Variants in GRM8 observed in about 807,000 individuals in gnomAD.
The protein encoded by GRM8 is glutamate metabotropic receptor 8, also known as metabotropic glutamate receptor 8.
Under a neutral mutation model 87.2 loss-of-function variants are expected in GRM8, and 47 were observed. The ratio of observed to expected loss-of-function variants is 0.54; its 90% CI spans 0.43 to 0.69. The LOEUF is 0.69. Among genes scored for constraint, GRM8 ranks in the 30% least tolerant of loss-of-function variants. The pLI, the probability that GRM8 is intolerant of heterozygous loss-of-function variation, is 0.00. For missense variants in GRM8, 1,019 were observed against 1,139.2 expected, an observed-to-expected ratio of 0.89 and a Z score of 1.52; for synonymous variants, 396 against 404.5, an observed-to-expected ratio of 0.98 and a Z score of 0.25.
intron 9 of GRM8, among the ~76,000 whole-genome samples, chr7:126,458,416 A>T (rs1803508328): frequency 6.6e-6 from 1 of 151,302 alleles, no homozygotes; most frequent in Non-Finnish European, 1.5e-5. Flanking sequence ...AATAGAATGC[A>T]AGATATAATC....
At chr7:126,966,623 A>G (rs565516581) in intron 3 of GRM8, among the ~76,000 whole-genome samples, 1 of 152,338 alleles carries the variant, frequency 6.6e-6, no homozygotes, top group South Asian at 2.1e-4. Context: ...AGATTTAGGG[A>G]GTAGACATGT....
chr7:127,169,083 A>C (rs902286680), intron 2 of GRM8, among the ~76,000 whole-genome samples: 1 of 152,104 alleles, frequency 6.6e-6, no homozygotes, highest in African/African-American at 2.4e-5. Context: ...AGCCAGGAAA[A>C]AAAAAAGCTA....
chr7:127,059,766 T>C (rs1272912583), intron 3 of GRM8, among the ~76,000 whole-genome samples: 2 of 152,342 alleles, frequency 1.3e-5, no homozygotes, highest in East Asian at 3.9e-4. Flanking sequence ...TGTAGGAGCA[T>C]TTTCCATCCA....
At chr7:126,922,978 GC>G (rs1306652823) in intron 3 of GRM8, among the ~76,000 whole-genome samples, 1 of 152,132 alleles carries the variant, frequency 6.6e-6, no homozygotes, top group Non-Finnish European at 1.5e-5. Context: ...AGAATCATGA[GC>G]CAATTAAACC....
intron 6 of GRM8, among the ~76,000 whole-genome samples, chr7:126,884,107 A>G (rs1800264659): frequency 6.6e-6 from 1 of 152,172 alleles, no homozygotes; most frequent in African/African-American, 2.4e-5. Flanking sequence ...TGCTAAAATC[A>G]GCATCCTCAT....
chr7:126,705,748 T>C (rs1031864400), intron 7 of GRM8, among the ~76,000 whole-genome samples: 1 of 152,184 alleles, frequency 6.6e-6, no homozygotes, highest in Non-Finnish European at 1.5e-5. Flanking sequence ...TTGGAAAACA[T>C]TGGAGAGCCT....
chr7:126,982,805 C>G (rs956787694), intron 3 of GRM8, among the ~76,000 whole-genome samples: 1 of 152,152 alleles, frequency 6.6e-6, no homozygotes, highest in Non-Finnish European at 1.5e-5. Context: ...TTGCCTTTAG[C>G]AAGCACCTCA....
intron 6 of GRM8, among the ~76,000 whole-genome samples, chr7:126,795,339 T>A (rs1013274867): frequency 6.6e-6 from 1 of 152,136 alleles, no homozygotes; most frequent in African/African-American, 2.4e-5. Context: ...CATATACTCA[T>A]TTGTTTTCCC....
chr7:126,862,805 CT>C (rs1352806336), intron 6 of GRM8, among the ~76,000 whole-genome samples: 4 of 152,120 alleles, frequency 2.6e-5, no homozygotes, highest in African/African-American at 9.6e-5. Context: ...GAAATGATAT[CT>C]TTTTTTATTT....
intron 3 of GRM8, among the ~76,000 whole-genome samples, chr7:126,905,120 TTTAAAG>T: frequency 6.6e-6 from 1 of 152,320 alleles, no homozygotes; most frequent in East Asian, 1.9e-4. Flanking sequence ...GTAGACTTCT[TTTAAAG>T]TTAATTTCAT....
chr7:126,613,145 A>G (rs1799087042), intron 7 of GRM8, among the ~76,000 whole-genome samples: 1 of 152,238 alleles, frequency 6.6e-6, no homozygotes, highest in South Asian at 2.1e-4. Context: ...AACTCTGGTC[A>G]ATGTAGAAAG....
intron 6 of GRM8, among the ~76,000 whole-genome samples, chr7:126,818,025 A>C (rs868472887): frequency 1.3e-5 from 2 of 152,182 alleles, no homozygotes; most frequent in Non-Finnish European, 2.9e-5. Context: ...ATTATTGCAC[A>C]TAAGTCTTAA....
intron 3 of GRM8, among the ~76,000 whole-genome samples, chr7:127,064,142 T>A (rs1215287094): frequency 6.6e-6 from 1 of 152,236 alleles, no homozygotes; most frequent in Non-Finnish European, 1.5e-5. Flanking sequence ...ATAATATCCA[T>A]TTGGTCCAAT....
intron 7 of GRM8, among the ~76,000 whole-genome samples, chr7:126,761,305 T>G (rs1009380300): frequency 6.6e-6 from 1 of 152,128 alleles, no homozygotes; most frequent in African/African-American, 2.4e-5. Context: ...AATGAGGTTG[T>G]CACAAACAGT....
At chr7:126,830,548 C>T (rs1189760539) in intron 6 of GRM8, among the ~76,000 whole-genome samples, 1 of 152,232 alleles carries the variant, frequency 6.6e-6, no homozygotes, top group Non-Finnish European at 1.5e-5. Flanking sequence ...TGGCTTTCAG[C>T]TCCATCAGCT....
chr7:127,145,917 A>T (rs1463383140), intron 2 of GRM8, among the ~76,000 whole-genome samples: 1 of 152,054 alleles, frequency 6.6e-6, no homozygotes, highest in Non-Finnish European at 1.5e-5. Flanking sequence ...TGGCAACCCT[A>T]CTTTTAAAAA....
At chr7:126,844,250 A>C (rs1458045557) in intron 6 of GRM8, among the ~76,000 whole-genome samples, 1 of 152,194 alleles carries the variant, frequency 6.6e-6, no homozygotes, top group Non-Finnish European at 1.5e-5. Flanking sequence ...ACAAAAGAGC[A>C]TCTGGAATTT....
At chr7:126,688,222 A>G (rs889598464) in intron 7 of GRM8, among the ~76,000 whole-genome samples, 1 of 152,230 alleles carries the variant, frequency 6.6e-6, no homozygotes, top group Non-Finnish European at 1.5e-5. Context: ...GGAGTTGTCA[A>G]TTAAATGTAG....
At chr7:127,162,082 T>C (rs1303194486) in intron 2 of GRM8, among the ~76,000 whole-genome samples, 1 of 152,228 alleles carries the variant, frequency 6.6e-6, no homozygotes. Flanking sequence ...TTAACTCTTC[T>C]GGTTATACAA....
Sources: gnomAD v4.1 joint callset for allele counts (sites outside exome capture counted in the v4.1 genomes callset) on GRCh38, gnomAD v4.1.1 for gene constraint, MANE v1.5 for transcripts, NCBI Gene and HGNC (gene_info 2026-07-23, HGNC 2026-07-21) for gene names.